The following PXDNL variants were observed in gnomAD, a reference collection of about 807,000 sequenced individuals.
PXDNL encodes probable oxidoreductase PXDNL.
PXDNL carries 145 observed loss-of-function variants against 150.8 expected under a neutral mutation model. The observed-to-expected ratio is 0.96, with a 90% CI of 0.84 to 1.10. PXDNL has a LOEUF of 1.10. Among genes scored for constraint, PXDNL ranks in the 50% least tolerant of loss-of-function variants. The pLI, the probability that PXDNL is intolerant of heterozygous loss-of-function variation, is 0.00. For missense variants in PXDNL, 2,087 were observed against 1,873.9 expected (o/e 1.11, Z -2.10); for synonymous variants, 757 against 725.7 (o/e 1.04, Z -0.69).
intron 1 of PXDNL, among the ~76,000 whole-genome samples, chr8:51,790,812 G>GAAAAACATTTATTC (rs2037505271): frequency 1.3e-5 from 2 of 150,524 alleles, no homozygotes; most frequent in African/African-American, 2.4e-5. Context: ...GTGTGTGTGT[G>GAAAAACATTTATTC]TGAGTGTTTC....
In PXDNL at chr8:51,734,188, A is replaced by T. The variant is rs75873522; in HGVS notation, c.164+74993T>A. ...TTCTTATTTGGATAATTATTTTAGG[A>T]CTTAAAGCTCCAAAATTTTTTATTT... On this transcript the variant is annotated intron_variant, in intron 1 of 22. Coordinates refer to ENST00000356297, the MANE Select transcript of PXDNL (RefSeq NM_144651.5). 1.4e-4 allele frequency among the ~76,000 whole-genome samples: 21 copies of T among 152,288 alleles called. No homozygotes were observed. The East Asian group carries it at 3.3e-3, about 24-fold the overall frequency.
At chr8:51,561,502 C>G (rs1394757966) in intron 3 of PXDNL, among the ~76,000 whole-genome samples, 2 of 151,836 alleles carry the variant, frequency 1.3e-5, no homozygotes, top group Non-Finnish European at 2.9e-5. Flanking sequence ...ATAGCAAGAT[C>G]TTATCTCTAC....
At chr8:51,611,673 G>C (rs1450470080) in intron 2 of PXDNL, among the ~76,000 whole-genome samples, 1 of 152,208 alleles carries the variant, frequency 6.6e-6, no homozygotes, top group Non-Finnish European at 1.5e-5. Context: ...TCCCAGGAGG[G>C]AGCACGGCAC....
In PXDNL at chr8:51,592,666, G is replaced by A; in HGVS notation, c.269C>T (p.Ser90Phe). ...TTCAAGTCCTTCAAAAGCATTTCTGGAAATCTTTCTGATGTGGTTGTTGTT... is the reference window on the plus strand; with the variant it reads ...TTCAAGTCCTTCAAAAGCATTTCTGAAAATCTTTCTGATGTGGTTGTTGTT... Reference protein sequence around the residue: ...LLNNNHIRKISRNAFEGLENL... With the variant: ...LLNNNHIRKIFRNAFEGLENL... The change falls in exon 3 of 23, where the codon TCC becomes TTC. Residue 90 changes from serine to phenylalanine, a missense_variant. By Grantham distance (155) the Ser-to-Phe change is radical. Transcript: ENST00000356297. 1 of 1,548,114 alleles carries A rather than the reference G, an allele frequency of 6.5e-7. No individual in the cohort carries two copies. The highest frequency in any genetic ancestry group is 8.7e-7 in the Non-Finnish European group (1 of 1,146,138).
chr8:51,525,541 A>G (rs1459690021), intron 4 of PXDNL, among the ~76,000 whole-genome samples: 2 of 152,238 alleles, frequency 1.3e-5, no homozygotes, highest in Non-Finnish European at 2.9e-5. Context: ...AAGTTCTAAC[A>G]TGGAGACAGA....
chr8:51,496,946 T>C (rs186947064), intron 5 of PXDNL, among the ~76,000 whole-genome samples: 19 of 152,262 alleles, frequency 1.2e-4, no homozygotes, highest in African/African-American at 4.6e-4. Context: ...TTAAAGTTCA[T>C]ATAGAACCAA....
intron 1 of PXDNL, among the ~76,000 whole-genome samples, chr8:51,718,190 C>T (rs1217438566): frequency 2.0e-5 from 3 of 152,002 alleles, no homozygotes; most frequent in African/African-American, 7.2e-5. Flanking sequence ...TTGATTGTCC[C>T]AAGCAGACCC....
intron 21 of PXDNL, among the ~76,000 whole-genome samples, chr8:51,329,410 A>G (rs1414841416): frequency 1.3e-5 from 2 of 152,214 alleles, no homozygotes; most frequent in Admixed American, 6.5e-5. Flanking sequence ...CAGCCTTTTC[A>G]ATACAAAAAC....
At chr8:51,574,198 T>G (rs1479145807) in intron 3 of PXDNL, among the ~76,000 whole-genome samples, 2 of 151,698 alleles carry the variant, frequency 1.3e-5, no homozygotes, top group African/African-American at 2.4e-5. Flanking sequence ...AAACCAGCCT[T>G]AAAAAACAAA....
chr8:51,559,086 C>T (rs1812659306), intron 3 of PXDNL, among the ~76,000 whole-genome samples: 1 of 151,970 alleles, frequency 6.6e-6, no homozygotes, highest in Non-Finnish European at 1.5e-5. Context: ...GTCAGCTCCT[C>T]ATGAGGTCCT....
chr8:51,613,297 T>C (rs976368201), intron 2 of PXDNL, among the ~76,000 whole-genome samples: 1 of 151,806 alleles, frequency 6.6e-6, no homozygotes, highest in Non-Finnish European at 1.5e-5. Context: ...GAGAATATAT[T>C]TGAGGTGCTT....
At chr8:51,728,718 TA>T (rs1331332327) in intron 1 of PXDNL, among the ~76,000 whole-genome samples, 1 of 152,148 alleles carries the variant, frequency 6.6e-6, no homozygotes, top group South Asian at 2.1e-4. Flanking sequence ...TCAAAAAAGT[TA>T]AAAAAATTAA....
At chr8:51,390,568 A>G (rs1807861590) in intron 17 of PXDNL, among the ~76,000 whole-genome samples, 1 of 152,104 alleles carries the variant, frequency 6.6e-6, no homozygotes, top group African/African-American at 2.4e-5. Context: ...TATTCTATAA[A>G]TTTGCATGAT....
chr8:51,486,779 TA>T (rs1563433497), intron 5 of PXDNL, among the ~76,000 whole-genome samples: 446 of 14,816 alleles, frequency 0.03, 10 homozygotes, highest in Admixed American at 0.051. Flanking sequence ...TATATATATA[TA>T]TATATATATA....
At position 51,513,415 on chromosome 8, in the gene PXDNL, G is replaced by A. The variant is rs755184785; in HGVS notation, c.381-13645C>T. ...GGCCCACATCTTAGTAGCAGGGGAA[G>A]ATGAGTCACACTGTGCAAGGGACCA... On this transcript the variant is annotated intron_variant, in intron 4 of 22. Transcript: ENST00000356297. Among the ~76,000 whole-genome samples, 3 of 152,240 alleles carry A rather than the reference G, an allele frequency of 2.0e-5. No individual in the cohort carries two copies. In the East Asian group the frequency reaches 5.8e-4, roughly 29 times the overall value.
At chr8:51,611,670 A>AG (rs1218755844) in intron 2 of PXDNL, among the ~76,000 whole-genome samples, 1 of 152,188 alleles carries the variant, frequency 6.6e-6, no homozygotes, top group Non-Finnish European at 1.5e-5. Flanking sequence ...GTTTCCCAGG[A>AG]GGGAGCACGG....
chr8:51,449,224 TTTACAA>T, intron 10 of PXDNL, 106 bp from the exon 11 acceptor site: 1 of 653,088 alleles, frequency 1.5e-6, no homozygotes, highest in Non-Finnish European at 2.7e-6. Context: ...TCAGAATTTG[TTTACAA>T]TTATATATAA....
rs112957658 is a variant in PXDNL, at chr8:51,339,290, T to C, written c.4146+334A>G. Among the ~76,000 whole-genome samples, 53 of 152,024 alleles carry C rather than the reference T, an allele frequency of 3.5e-4. 1 individual carries two copies. The highest frequency in any genetic ancestry group is 7.1e-4 in the Non-Finnish European group (48 of 67,980). On this transcript the variant is annotated intron_variant, in intron 21 of 22. Transcript: ENST00000356297. ...GCCTGGCCAACATGGCCAAACCCCA[T>C]CTCTACTAAAAATACAAAACTTAGC...
chr8:51,492,791 G>A (rs757472059), intron 5 of PXDNL, among the ~76,000 whole-genome samples: 9 of 152,126 alleles, frequency 5.9e-5, no homozygotes, highest in East Asian at 1.9e-4. Flanking sequence ...CCAGAAGCTC[G>A]AACTGGGTGG....
Sources: gnomAD v4.1 joint callset for allele counts (sites outside exome capture counted in the v4.1 genomes callset) on GRCh38, gnomAD v4.1.1 for gene constraint, MANE v1.5 for transcripts, NCBI Gene and HGNC (gene_info 2026-07-23, HGNC 2026-07-21) for gene names.